Variants in ASAP3 observed in about 807,000 individuals in gnomAD.
The protein encoded by ASAP3 is ArfGAP with SH3 domain, ankyrin repeat and PH domain 3, also known as arf-GAP with SH3 domain, ANK repeat and PH domain-containing protein 3.
In ASAP3, 85 loss-of-function variants were observed where a neutral mutation model predicts 118.2. The ratio of observed to expected loss-of-function variants is 0.72; its 90% CI spans 0.60 to 0.86. ASAP3 has a LOEUF of 0.86. ASAP3 is among the 40% of genes least tolerant of loss of function. The pLI is 0.00. For missense variants in ASAP3, 1,026 were observed against 1,175.0 expected, an observed-to-expected ratio of 0.87 and a Z score of 1.85; for synonymous variants, 432 against 477.4, an observed-to-expected ratio of 0.90 and a Z score of 1.24.
Position 23,434,247 on chromosome 1 carries a change from GC to G in ASAP3, c.1951+6del. The G allele has an allele frequency of 6.2e-7, 1 of 1,613,822 alleles. No individual in the cohort carries two copies. The highest frequency in any genetic ancestry group is 1.1e-5 in the South Asian group (1 of 91,080). ...GGAGTCTGACGGAGGAGGTATTCAA[GC>G]CCCACCTGTGCCAACCAAAGCTCTC... On this transcript the variant is annotated splice_donor_region_variant and intron_variant, in intron 19 of 24. Coordinates refer to ENST00000336689, the MANE Select transcript of ASAP3 (RefSeq NM_017707.4).
At chr1:23,477,163 C>T (rs1164345748) in intron 1 of ASAP3, among the ~76,000 whole-genome samples, 10 of 151,550 alleles carry the variant, frequency 6.6e-5, no homozygotes, top group African/African-American at 1.7e-4. Flanking sequence ...ATTACAGGCA[C>T]GTGCCACCAT....
chr1:23,436,729 C>A lies in ASAP3; in HGVS notation c.1477-75G>T. 4 of 1,582,370 alleles carry A rather than the reference C, an allele frequency of 2.5e-6. No homozygotes were observed. In the South Asian group the frequency reaches 3.3e-5, roughly 13 times the overall value. Reference sequence around the variant, plus strand: ...AGCCTGCATAGGGTGGAGCTCCAAGCCCCCAGAGTCCCGCCCCTCGGCCGC... The same window carrying A: ...AGCCTGCATAGGGTGGAGCTCCAAGACCCCAGAGTCCCGCCCCTCGGCCGC... On this transcript the variant is annotated intron_variant, in intron 15 of 24. Transcript: ENST00000336689. This position sits in a 1 kb window ranked among gnomAD's most constrained non-coding sequence, Gnocchi z 4.2.
intron 5 of ASAP3, 69 bp downstream of exon 5, chr1:23,451,410 T>G: frequency 6.6e-7 from 1 of 1,511,474 alleles, no homozygotes; most frequent in Non-Finnish European, 9.2e-7. Flanking sequence ...CTCGGCAGCA[T>G]TTAGGTTCTT....
chr1:23,474,872 C>T (rs895262584), intron 1 of ASAP3, among the ~76,000 whole-genome samples: 9 of 152,130 alleles, frequency 5.9e-5, no homozygotes, highest in Non-Finnish European at 8.8e-5. Context: ...TGTGGGCCAC[C>T]GCGCCCAGCC....
intron 22 of ASAP3, among the ~76,000 whole-genome samples, chr1:23,432,850 A>G (rs574788215): frequency 6.6e-6 from 1 of 152,326 alleles, no homozygotes; most frequent in Non-Finnish European, 1.5e-5. Context: ...TTGGAATAAG[A>G]TGGGCTGAGA....
At chr1:23,435,317 C>T (rs1448844586) in intron 17 of ASAP3, among the ~76,000 whole-genome samples, 2 of 152,248 alleles carry the variant, frequency 1.3e-5, no homozygotes, top group Non-Finnish European at 2.9e-5. Flanking sequence ...GCGTGAGCCA[C>T]CACACCCAGC....
chr1:23,455,017 G>C (rs1031245840), intron 3 of ASAP3, among the ~76,000 whole-genome samples: 2 of 152,188 alleles, frequency 1.3e-5, no homozygotes, highest in African/African-American at 4.8e-5. Flanking sequence ...GGTAGGACTG[G>C]AGCCACAAGA....
chr1:23,464,159 A>ACC (rs141945872), intron 1 of ASAP3, among the ~76,000 whole-genome samples: 4 of 143,342 alleles, frequency 2.8e-5, no homozygotes, highest in African/African-American at 7.8e-5. Flanking sequence ...ACAAAGTGAG[A>ACC]CCCCCACCCC....
In ASAP3 at chr1:23,469,126, G is replaced by A. The variant is rs558789936; in HGVS notation, c.130-12932C>T. Among the ~76,000 whole-genome samples, 21 of 151,914 alleles carry A rather than the reference G, an allele frequency of 1.4e-4. No individual in the cohort carries two copies. The South Asian group carries it at 3.5e-3, about 26-fold the overall frequency. ...TTGAGACCAGCCTGGGCAACATGGCGAAACCCTGTCTCTACAAAAAATACA... is the reference window on the plus strand; with the variant it reads ...TTGAGACCAGCCTGGGCAACATGGCAAAACCCTGTCTCTACAAAAAATACA... On this transcript the variant is annotated intron_variant, in intron 1 of 24. Transcript: ENST00000336689.
intron 18 of ASAP3, 51 bp from the exon 19 acceptor site, chr1:23,434,420 G>T: frequency 6.2e-7 from 1 of 1,605,586 alleles, no homozygotes; most frequent in Non-Finnish European, 8.5e-7. Flanking sequence ...ATCAATGAGG[G>T]GATCAAAGTC....
intron 1 of ASAP3, among the ~76,000 whole-genome samples, chr1:23,464,159 A>AC (rs141945872): frequency 0.037 from 5,333 of 143,408 alleles, 275 homozygotes; most frequent in African/African-American, 0.13. Context: ...ACAAAGTGAG[A>AC]CCCCCACCCC....
chr1:23,475,789 A>G (rs1168502033), intron 1 of ASAP3, among the ~76,000 whole-genome samples: 1 of 152,144 alleles, frequency 6.6e-6, no homozygotes, highest in African/African-American at 2.4e-5. Flanking sequence ...TAGGCAACAC[A>G]GCGAGACCTC....
intron 1 of ASAP3, among the ~76,000 whole-genome samples, chr1:23,463,365 GT>G (rs11334359): frequency 0.68 from 101,587 of 150,410 alleles, 37,568 homozygotes; most frequent in Non-Finnish European, 0.82. Flanking sequence ...AGAAATGCAG[GT>G]TTTTTTTTTT....
intron 17 of ASAP3, among the ~76,000 whole-genome samples, chr1:23,435,170 G>A (rs1640593591): frequency 6.6e-6 from 1 of 152,200 alleles, no homozygotes; most frequent in African/African-American, 2.4e-5. Context: ...TGGGACCACA[G>A]GTGTGTGCCA....
In ASAP3 at chr1:23,433,673, C is replaced by G. The variant is rs377297346; in HGVS notation, c.1972G>C (p.Ala658Pro). ...TGCTTCTTCCTGGCTATGTCCAGAG[C>G]TGTCTCGCCTGCTTCATTTACTGTG... ...VGTVNEAGET[A>P]LDIARKKHHK... The change falls in exon 20 of 25, where the codon GCT becomes CCT. Residue 658 changes from alanine (A) to proline (P), a missense_variant. Transcript: ENST00000336689. The G allele has an allele frequency of 8.1e-6, 13 of 1,614,124 alleles. No homozygotes were observed. The highest frequency in any genetic ancestry group is 6.7e-5 in the African/African-American group (5 of 74,946).
In ASAP3 at chr1:23,436,551, T is replaced by C. The variant is rs1275061913; in HGVS notation, c.1571+9A>G. The C allele has an allele frequency of 2.5e-6, 4 of 1,613,912 alleles. No homozygotes were observed. The highest frequency in any genetic ancestry group is 2.5e-6 in the Non-Finnish European group (3 of 1,179,862). The stretch of plus-strand genomic sequence containing the variant: ...GGCAGGGTGCCCCTCTCTCTGAGAA[T>C]CCCCTTACATGTCACTCTCAGCTGA... On this transcript the variant is annotated intron_variant, in intron 16 of 24. Transcript: ENST00000336689. This position sits in a 1 kb window ranked among gnomAD's most constrained non-coding sequence, Gnocchi z 4.2.
rs750759674 is a variant in ASAP3 at position 23,433,127 on chromosome 1, T to A, written c.2273A>T (p.Lys758Ile). 3 of 1,614,140 alleles carry A rather than the reference T, an allele frequency of 1.9e-6. No individual in the cohort carries two copies. The Admixed American group carries it at 5.0e-5, about 27-fold the overall frequency. ...TTGGACCAAAGTCCGAGAAGAGTTT[T>A]TGACTGGCAAGGGCGGGGGACAGTC... ...SEDCPPPLPV[K>I]NSSRTLVQGC... The change falls in exon 22 of 25, where the codon AAA (lysine) becomes ATA (isoleucine). Residue 758 changes from lysine to isoleucine, a missense_variant. Coordinates refer to ENST00000336689, the MANE Select transcript of ASAP3 (RefSeq NM_017707.4).
rs541298573 is a variant in ASAP3 at position 23,442,605 on chromosome 1, G to A, written c.481C>T (p.Leu161=). The A allele has an allele frequency of 6.2e-7, 1 of 1,613,922 alleles. No individual in the cohort carries two copies. Among genetic ancestry groups the A allele is most frequent in the Admixed American group, 1.7e-5 (1 of 59,998 alleles). Residue 161 remains leucine (L), a synonymous_variant, in exon 6 of 25, where the codon CTG becomes TTG. Coordinates refer to ENST00000336689, the MANE Select transcript of ASAP3 (RefSeq NM_017707.4). ...WKDYEAKMAK[L]EKERDRARVT... is the part of the protein sequence containing the mutation. ...CTGGCCCGATCGCGCTCCTTCTCCA[G>A]CTTGGCCCTAGACCCCAAGGAAAGA...
At chr1:23,434,717 T>G in intron 17 of ASAP3, 99 bp from the exon 18 acceptor site, 2 of 1,163,624 alleles carry the variant, frequency 1.7e-6, no homozygotes, top group Non-Finnish European at 2.5e-6. Flanking sequence ...TATCCCCCCA[T>G]AGGAAGCTGC....
Sources: gnomAD v4.1 joint callset for allele counts (sites outside exome capture counted in the v4.1 genomes callset) on GRCh38, gnomAD v4.1.1 for gene constraint, Gnocchi (gnomAD v3.1) non-coding constraint, MANE v1.5 for transcripts, NCBI Gene and HGNC (gene_info 2026-07-23, HGNC 2026-07-21) for gene names.